The following DGLUCY variants were observed in gnomAD, a reference collection of about 807,000 sequenced individuals.
The protein encoded by DGLUCY is D-glutamate cyclase, also known as D-glutamate cyclase, mitochondrial.
A neutral mutation model predicts 58.5 loss-of-function variants in DGLUCY; 58 were observed. The observed-to-expected ratio is 0.99, with a 90% CI of 0.80 to 1.23. The LOEUF is 1.23. Ranked by LOEUF, DGLUCY falls within the 50% of genes most tolerant of loss-of-function variation. The pLI, the probability that DGLUCY is intolerant of heterozygous loss-of-function variation, is 0.00. For missense variants in DGLUCY, 779 were observed against 784.7 expected (o/e 0.99, Z 0.09); for synonymous variants, 325 against 314.1 (o/e 1.03, Z -0.37).
intron 1 of DGLUCY, among the ~76,000 whole-genome samples, chr14:91,078,874 ATTTTTATT>A (rs2044075003): frequency 1.2e-5 from 1 of 82,904 alleles, no homozygotes; most frequent in Admixed American, 1.4e-4. Flanking sequence ...TTTATTTTTA[ATTTTTATT>A]TATTTATTTA....
At chr14:91,173,568 C>A in intron 6 of DGLUCY, 129 bp downstream of exon 6, 1 of 1,277,342 alleles carries the variant, frequency 7.8e-7, no homozygotes, top group Non-Finnish European at 1.0e-6. Flanking sequence ...CGCTCCTGCC[C>A]ATGATCCTGA....
At chr14:91,122,581 T>C (rs1239535763) in intron 1 of DGLUCY, among the ~76,000 whole-genome samples, 1 of 151,066 alleles carries the variant, frequency 6.6e-6, no homozygotes, top group East Asian at 1.9e-4. Flanking sequence ...ATGTGTATTT[T>C]AACTATAATA....
At chr14:91,108,518 T>TGA (rs2044632084) in intron 1 of DGLUCY, among the ~76,000 whole-genome samples, 1 of 93,164 alleles carries the variant, frequency 1.1e-5, no homozygotes, top group Non-Finnish European at 2.4e-5. Context: ...TGTGTGTGTG[T>TGA]GTGTGTGTGA....
At chr14:91,196,504 C>A (rs777989710) in intron 10 of DGLUCY, 30 bp downstream of exon 10, 2 of 1,578,662 alleles carry the variant, frequency 1.3e-6, no homozygotes, top group Non-Finnish European at 1.7e-6. Flanking sequence ...GTTTAAGTGG[C>A]GGATGGTGGA....
chr14:91,139,036 A>T (rs1248388113), intron 1 of DGLUCY, among the ~76,000 whole-genome samples: 7 of 152,180 alleles, frequency 4.6e-5, no homozygotes, highest in African/African-American at 1.7e-4. Flanking sequence ...CCAATAGGAG[A>T]TACAGATATA....
chr14:91,079,486 T>C (rs2044088917), intron 1 of DGLUCY, among the ~76,000 whole-genome samples: 1 of 152,118 alleles, frequency 6.6e-6, no homozygotes, highest in African/African-American at 2.4e-5. Flanking sequence ...CCCAAGTAGC[T>C]GGGACTACAG....
In DGLUCY at chr14:91,097,735, G is replaced by A. The variant is rs994482880; in HGVS notation, c.-82+37031G>A. Among the ~76,000 whole-genome samples the A allele has an allele frequency of 8.6e-5, 13 of 150,736 alleles. No individual in the cohort carries two copies. The East Asian group carries it at 9.7e-4, about 11-fold the overall frequency. On this transcript the variant is annotated intron_variant, in intron 1 of 4. Coordinates refer to the DGLUCY transcript ENST00000521334. ...GTTGCCCAGGCTGGAGTGCAATGGC[G>A]TGATCTTGGCTCACTGCAACCTCCA...
intron 13 of DGLUCY, among the ~76,000 whole-genome samples, chr14:91,218,833 G>A (rs1887001711): frequency 6.6e-6 from 1 of 152,144 alleles, no homozygotes; most frequent in Non-Finnish European, 1.5e-5. Context: ...GTCCACTGGG[G>A]AGACGACACA....
chr14:91,174,789 G>A (rs561989453), intron 6 of DGLUCY, among the ~76,000 whole-genome samples: 52 of 152,268 alleles, frequency 3.4e-4, no homozygotes, highest in Non-Finnish European at 6.2e-4. Context: ...GGTGTCTGTA[G>A]GGGGGTGGCC....
intron 8 of DGLUCY, among the ~76,000 whole-genome samples, chr14:91,188,651 TC>T (rs556667350): frequency 1.3e-5 from 2 of 151,926 alleles, no homozygotes; most frequent in Non-Finnish European, 2.9e-5. Context: ...CATAGCAAGG[TC>T]CTATCTTTTT....
At chr14:91,182,801 G>A (rs1167964188) in intron 8 of DGLUCY, among the ~76,000 whole-genome samples, 1 of 152,178 alleles carries the variant, frequency 6.6e-6, no homozygotes, top group Non-Finnish European at 1.5e-5. Context: ...ACGCATCTCA[G>A]GGGAAGGATA....
chr14:91,221,479 G>A lies in DGLUCY; in HGVS notation c.1717-3205G>A, dbSNP rs149316616. ...GATGTATGGGTGGATGGAGGGATGCGTGGATAATGGATGGATGCATGGATG... is the reference window on the plus strand; with the variant it reads ...GATGTATGGGTGGATGGAGGGATGCATGGATAATGGATGGATGCATGGATG... On this transcript the variant is annotated intron_variant, in intron 13 of 13. Transcript: ENST00000256324. Among the ~76,000 whole-genome samples the A allele has an allele frequency of 2.8e-3, 420 of 151,512 alleles. 2 individuals carry two copies. Among genetic ancestry groups the A allele is most frequent in the African/African-American group, 9.5e-3 (392 of 41,274 alleles).
chr14:91,107,308 C>T (rs927841171), upstream of DGLUCY, among the ~76,000 whole-genome samples: 5 of 151,938 alleles, frequency 3.3e-5, no homozygotes, highest in Non-Finnish European at 5.9e-5. Context: ...CATCTGAGGT[C>T]GGGAGTTCGA....
intron 12 of DGLUCY, among the ~76,000 whole-genome samples, chr14:91,209,494 G>C (rs1366539936): frequency 6.6e-6 from 1 of 152,098 alleles, no homozygotes; most frequent in Non-Finnish European, 1.5e-5. Context: ...TGGATCACGA[G>C]GTCAGGAGAT....
At chr14:91,189,296 A>G (rs933722052) in intron 9 of DGLUCY, 126 bp downstream of exon 9, 3 of 1,260,204 alleles carry the variant, frequency 2.4e-6, no homozygotes, top group Non-Finnish European at 3.3e-6. Flanking sequence ...TGTAAGCTGC[A>G]TAGCTTGATT....
At chr14:91,167,726 C>T (rs973740334) in intron 4 of DGLUCY, 3 of 695,252 alleles carry the variant, frequency 4.3e-6, no homozygotes, top group Non-Finnish European at 7.9e-6. Flanking sequence ...TACCAACACC[C>T]AGAGACAGAG....
At chr14:91,221,767 T>A (rs1887554012) in intron 13 of DGLUCY, among the ~76,000 whole-genome samples, 4 of 152,144 alleles carry the variant, frequency 2.6e-5, no homozygotes, top group Admixed American at 1.3e-4. Flanking sequence ...AAAGTATAAT[T>A]AACATACAAT....
chr14:91,219,324 C>T (rs1456680329), intron 13 of DGLUCY, among the ~76,000 whole-genome samples: 1 of 152,130 alleles, frequency 6.6e-6, no homozygotes, highest in African/African-American at 2.4e-5. Context: ...ATATAAGTAG[C>T]CAGGTAAGGA....
At chr14:91,083,504 CAGAG>C (rs1399079085) in intron 1 of DGLUCY, among the ~76,000 whole-genome samples, 1 of 127,094 alleles carries the variant, frequency 7.9e-6, no homozygotes, top group Non-Finnish European at 1.6e-5. Context: ...GCCTGGGTGA[CAGAG>C]AGAGATTCCG....
Sources: allele counts gnomAD v4.1 joint callset (sites outside exome capture counted in the v4.1 genomes callset), GRCh38; gene constraint gnomAD v4.1.1; transcripts MANE v1.5; gene names NCBI Gene and HGNC (gene_info 2026-07-23, HGNC 2026-07-21).